MAP3K8: variants seen among roughly 807,000 people sequenced by gnomAD.
The protein encoded by MAP3K8 is Ewing sarcoma transformant.
In MAP3K8, 22 loss-of-function variants were observed where a neutral mutation model predicts 45.8. That is an observed-to-expected ratio of 0.48 (90% CI 0.34 to 0.69). The LOEUF (loss-of-function observed/expected upper bound fraction) is 0.69. MAP3K8 is among the 30% of genes least tolerant of loss of function. MAP3K8 has a pLI of 0.01. For synonymous variants in MAP3K8, 223 were observed against 214.3 expected, an observed-to-expected ratio of 1.04 and a Z score of -0.36; for missense variants, 419 against 585.0, an observed-to-expected ratio of 0.72 and a Z score of 2.93.
intron 6 of MAP3K8, among the ~76,000 whole-genome samples, chr10:30,457,224 A>G (rs542437191): frequency 6.6e-6 from 1 of 152,338 alleles, no homozygotes; most frequent in Non-Finnish European, 1.5e-5. Flanking sequence ...TTCAGCATGG[A>G]CTCATGAGAC....
chr10:30,448,167 G>T (rs571246183), intron 4 of MAP3K8, among the ~76,000 whole-genome samples: 2 of 152,224 alleles, frequency 1.3e-5, no homozygotes, highest in Admixed American at 1.3e-4. Flanking sequence ...TAATCTAGAT[G>T]ATTAAAAGGA....
At position 30,459,307 on chromosome 10, in the gene MAP3K8, G is replaced by T. The variant is rs776417442; in HGVS notation, c.1079G>T (p.Gly360Val). ...GACATTGCAGATGACTGCAGTCCAG[G>T]GATGAGAGAGCTGATAGAAGCTTCC... ...LEDIADDCSP[G>V]MRELIEASLE... The change falls in exon 8 of 9, where the codon GGG becomes GTG. Residue 360 changes from glycine (G) to valine (V), a missense_variant. Transcript: ENST00000263056. The T allele has an allele frequency of 3.1e-6, 5 of 1,613,996 alleles. No homozygotes were observed. The Admixed American group carries it at 6.7e-5, about 22-fold the overall frequency.
intron 3 of MAP3K8, among the ~76,000 whole-genome samples, chr10:30,440,751 T>C (rs1398642341): frequency 6.6e-6 from 1 of 152,212 alleles, no homozygotes; most frequent in Non-Finnish European, 1.5e-5. Flanking sequence ...ATATAATTGT[T>C]TGTGTATTTC....
intron 3 of MAP3K8, among the ~76,000 whole-genome samples, chr10:30,446,939 T>C (rs8177000): frequency 6.6e-6 from 1 of 152,182 alleles, no homozygotes; most frequent in Non-Finnish European, 1.5e-5. Context: ...TCTGTAGAAA[T>C]GAAGTCTCGC....
chr10:30,457,902 G>A (rs1416015938), intron 6 of MAP3K8, among the ~76,000 whole-genome samples, 182 bp from the exon 7 acceptor site: 1 of 152,088 alleles, frequency 6.6e-6, no homozygotes, highest in African/African-American at 2.4e-5. Flanking sequence ...CACCGCGCCC[G>A]GCCAGGTGTT....
intron 7 of MAP3K8, among the ~76,000 whole-genome samples, chr10:30,459,048 G>T (rs1356150141): frequency 2.6e-5 from 4 of 152,182 alleles, no homozygotes; most frequent in African/African-American, 9.7e-5. Flanking sequence ...CTGTACTCCA[G>T]CCTGGATGAC....
intron 3 of MAP3K8, among the ~76,000 whole-genome samples, chr10:30,445,765 G>A (rs1836303994): frequency 2.6e-5 from 4 of 152,218 alleles, no homozygotes; most frequent in Non-Finnish European, 2.9e-5. Flanking sequence ...TCACACAGCA[G>A]AAACACTCAG....
chr10:30,437,407 G>GA lies in MAP3K8; in HGVS notation c.-24+1_-24+2insA. On this transcript the variant is annotated splice_donor_variant, in intron 2 of 8. Transcript: ENST00000263056. LOFTEE classifies it low-confidence loss of function (5UTR_SPLICE). ...TTAATCCTCACGACCACCTCATGAGGTAGGTGCTGTTATTACTTCCATTTT... is the reference window on the plus strand; with the variant it reads ...TTAATCCTCACGACCACCTCATGAGGATAGGTGCTGTTATTACTTCCATTTT... The GA allele has an allele frequency of 1.5e-6, 1 of 672,976 alleles. No homozygotes were observed. The highest frequency in any genetic ancestry group is 1.8e-6 in the Non-Finnish European group (1 of 544,356). 41.7% of individuals were successfully genotyped at this position (672,976 alleles called of 1,614,324 possible). A position where few individuals can be genotyped will look rare whatever the true frequency, so the allele number is the denominator to read the frequency against.
At chr10:30,460,389 C>T (rs1836893023) in intron 8 of MAP3K8, among the ~76,000 whole-genome samples, 1 of 152,174 alleles carries the variant, frequency 6.6e-6, no homozygotes, top group African/African-American at 2.4e-5. Context: ...TAGGTCCAAA[C>T]CGAGATGTCA....
chr10:30,440,294 A>G (rs8176971), intron 3 of MAP3K8, among the ~76,000 whole-genome samples: 1,563 of 152,346 alleles, frequency 0.01, 26 homozygotes, highest in African/African-American at 0.035. Flanking sequence ...TAGCTTGCAA[A>G]ACATGCTTAT....
intron 6 of MAP3K8, among the ~76,000 whole-genome samples, chr10:30,454,004 A>C (rs994282605): frequency 2.3e-4 from 34 of 150,972 alleles, no homozygotes; most frequent in Admixed American, 1.1e-3. Flanking sequence ...AGAAAGAAAG[A>C]AAGCATGCAC....
chr10:30,436,167 A>G (rs541481379), intron 1 of MAP3K8, among the ~76,000 whole-genome samples: 1 of 152,358 alleles, frequency 6.6e-6, no homozygotes, highest in Non-Finnish European at 1.5e-5. Context: ...AACTGTGTCA[A>G]GGGAAAAATC....
rs539186522 is a variant in MAP3K8 at position 30,461,590 on chromosome 10, T to A, written c.*754T>A. ...GAAAAATGAAAACTTTTGTAAATTA[T>A]TGATGATTTTGTAATTCTTATGACT... On this transcript the variant is annotated 3_prime_UTR_variant, in exon 9 of 9. Coordinates refer to ENST00000263056, the MANE Select transcript of MAP3K8 (RefSeq NM_005204.4). 1.1e-5 allele frequency: 2 copies of A among 189,774 alleles called. No homozygotes were observed. Among genetic ancestry groups the A allele is most frequent in the East Asian group, 1.7e-4 (2 of 11,676 alleles). The allele number at this position is 189,774 out of a possible 1,614,324, so 11.8% of individuals were successfully genotyped here.
intron 3 of MAP3K8, among the ~76,000 whole-genome samples, chr10:30,439,832 T>G (rs1331501239): frequency 1.3e-5 from 2 of 152,192 alleles, no homozygotes; most frequent in East Asian, 3.8e-4. Flanking sequence ...AAGAATGTAT[T>G]TTAATTTAAC....
In MAP3K8 at chr10:30,447,796, A is replaced by G. The variant is rs1330917272; in HGVS notation, c.351A>G (p.Gln117=). 6.2e-6 allele frequency: 10 copies of G among 1,613,606 alleles called. No homozygotes were observed. The highest frequency in any genetic ancestry group is 8.5e-6 in the Non-Finnish European group (10 of 1,179,878). ...TTTTGTTGTAGGTCATCACTCCCCA[A>G]AATGGACGTTACCAAATAGATTCCG... The part of the protein sequence containing the change: ...GILLNMVITP[Q]NGRYQIDSDV... Residue 117 remains glutamine (Q), a synonymous_variant, in exon 4 of 9, where the codon CAA becomes CAG. Coordinates refer to ENST00000263056, the MANE Select transcript of MAP3K8 (RefSeq NM_005204.4).
intron 3 of MAP3K8, 104 bp from the exon 4 acceptor site, chr10:30,447,678 T>C: frequency 1.2e-6 from 1 of 821,376 alleles, no homozygotes. Flanking sequence ...TTCATAACTG[T>C]GTATCAGAAT....
rs1382550682 is a variant in MAP3K8 at position 30,435,937 on chromosome 10, C to A, written c.-254-1239C>A. On this transcript the variant is annotated intron_variant, in intron 1 of 8. Coordinates refer to ENST00000263056, the MANE Select transcript of MAP3K8 (RefSeq NM_005204.4). ...GTTATGCTGGCCATTTTCATTCACA[C>A]TTGCCAGGAAACACTCACATTTTGT... 2.0e-5 allele frequency among the ~76,000 whole-genome samples: 3 copies of A among 152,212 alleles called. No individual in the cohort carries two copies. The East Asian group carries it at 5.8e-4, about 29-fold the overall frequency.
chr10:30,458,266 G>A (rs773810567), intron 7 of MAP3K8, 30 bp downstream of exon 7: 44 of 1,227,984 alleles, frequency 3.6e-5, no homozygotes, highest in Non-Finnish European at 4.7e-5. Flanking sequence ...GGCTGGGGGC[G>A]GCGGGGGGGG....
chr10:30,442,661 C>T (rs1337498424), intron 3 of MAP3K8, among the ~76,000 whole-genome samples: 2 of 152,206 alleles, frequency 1.3e-5, no homozygotes, highest in African/African-American at 4.8e-5. Flanking sequence ...TGTTATTTAT[C>T]ATCTACGCTG....
Sources: gnomAD v4.1 joint callset for allele counts (sites outside exome capture counted in the v4.1 genomes callset) on GRCh38, gnomAD v4.1.1 for gene constraint, MANE v1.5 for transcripts, NCBI Gene and HGNC (gene_info 2026-07-23, HGNC 2026-07-21) for gene names.